CFAP91: variants seen among roughly 807,000 people sequenced by gnomAD.
CFAP91 encodes cilia- and flagella-associated protein 91.
A neutral mutation model predicts 95.9 loss-of-function variants in CFAP91; 85 were observed. That is an observed-to-expected ratio of 0.89 (90% CI 0.74 to 1.06). The LOEUF (loss-of-function observed/expected upper bound fraction) is 1.06. Among genes scored for constraint, CFAP91 ranks in the 50% least tolerant of loss-of-function variants. The pLI is 0.00. For missense variants in CFAP91, 962 were observed against 943.4 expected, an observed-to-expected ratio of 1.02 and a Z score of -0.26; for synonymous variants, 335 against 327.5, an observed-to-expected ratio of 1.02 and a Z score of -0.25.
At chr3:119,761,161 A>G (rs895519433) in intron 17 of CFAP91, among the ~76,000 whole-genome samples, 1 of 151,848 alleles carries the variant, frequency 6.6e-6, no homozygotes, top group Non-Finnish European at 1.5e-5. Flanking sequence ...AGACTTAAGG[A>G]AAATCAGAAG....
chr3:119,740,997 A>G (rs762898571), intron 13 of CFAP91, among the ~76,000 whole-genome samples: 16 of 152,122 alleles, frequency 1.1e-4, no homozygotes, highest in Non-Finnish European at 1.0e-4. Flanking sequence ...GACTACAGGC[A>G]TGCACCACCA....
chr3:119,727,541 A>T (rs1265474462), intron 7 of CFAP91, among the ~76,000 whole-genome samples: 1 of 152,108 alleles, frequency 6.6e-6, no homozygotes, highest in Admixed American at 6.5e-5. Flanking sequence ...TACATGCTAG[A>T]CTCTGTGCTG....
chr3:119,752,358 G>C (rs942410280), intron 17 of CFAP91: 1 of 152,174 alleles, frequency 6.6e-6, no homozygotes, highest in African/African-American at 2.4e-5. Context: ...ATGGAAGGAG[G>C]GTTGAGATGA....
chr3:119,715,922 CT>C (rs947328669), intron 6 of CFAP91, 179 bp downstream of exon 6: 1 of 614,648 alleles, frequency 1.6e-6, no homozygotes, highest in African/African-American at 1.8e-5. Context: ...AAGATACTAT[CT>C]TTTTATTGTG....
chr3:119,725,699 G>A (rs2053769281), intron 6 of CFAP91, among the ~76,000 whole-genome samples: 1 of 152,000 alleles, frequency 6.6e-6, no homozygotes, highest in East Asian at 1.9e-4. Context: ...CAAGGCCACA[G>A]TGAGCTGTAA....
At chr3:119,714,591 C>T in intron 5 of CFAP91, among the ~76,000 whole-genome samples, 1 of 152,214 alleles carries the variant, frequency 6.6e-6, no homozygotes, top group South Asian at 2.1e-4. Flanking sequence ...TAGTTATTTT[C>T]ATTATCTTCT....
chr3:119,736,268 GTTTTTTTTTTT>G (rs770777389), intron 10 of CFAP91, among the ~76,000 whole-genome samples: 7 of 85,326 alleles, frequency 8.2e-5, no homozygotes, highest in African/African-American at 3.4e-4. Flanking sequence ...TCTTTCTATT[GTTTTTTTTTTT>G]TTTTTTTTTT....
chr3:119,722,314 C>A (rs189934708), intron 6 of CFAP91, among the ~76,000 whole-genome samples: 4 of 152,012 alleles, frequency 2.6e-5, no homozygotes, highest in Admixed American at 1.3e-4. Flanking sequence ...GAGAAATTAG[C>A]TGGGCATGGT....
At chr3:119,706,329 C>G (rs541189862) in intron 1 of CFAP91, 1 of 151,952 alleles carries the variant, frequency 6.6e-6, no homozygotes, top group Non-Finnish European at 1.5e-5. Context: ...TTTTTTTAAC[C>G]GTGTTCACCA....
intron 4 of CFAP91, 113 bp downstream of exon 4, chr3:119,708,787 T>G (rs1455021367): frequency 1.6e-6 from 1 of 638,580 alleles, no homozygotes; most frequent in Non-Finnish European, 2.7e-6. Flanking sequence ...GACTCTATTT[T>G]AAGTGCTTTA....
intron 6 of CFAP91, among the ~76,000 whole-genome samples, chr3:119,718,783 C>T (rs79788033): frequency 0.019 from 2,953 of 151,836 alleles, 36 homozygotes; most frequent in Middle Eastern, 0.065. Context: ...GGAGTGAAGG[C>T]GAGATAAAGA....
chr3:119,719,191 A>C (rs2053634559), intron 6 of CFAP91, among the ~76,000 whole-genome samples: 1 of 152,256 alleles, frequency 6.6e-6, no homozygotes, highest in Admixed American at 6.5e-5. Flanking sequence ...AATAAGATAC[A>C]GAAGAGTGCC....
Position 119,726,276 on chromosome 3 carries a change from T to C in CFAP91, c.788T>C (p.Phe263Ser), listed in dbSNP as rs1416759935. The C allele has an allele frequency of 6.2e-7, 1 of 1,613,804 alleles. No homozygotes were observed. The highest frequency in any genetic ancestry group is 1.1e-5 in the South Asian group (1 of 91,032). Reference sequence around the variant, plus strand: ...CCCGCTCTGAGTGACACCTCCCAGTTTGAGAAGAGGAGGAAAATGATGAAT... The same window carrying C: ...CCCGCTCTGAGTGACACCTCCCAGTCTGAGAAGAGGAGGAAAATGATGAAT... ...SLPALSDTSQ[F>S]EKRRKMMNEM... The change falls in exon 7 of 18, where the codon TTT becomes TCT. Residue 263 changes from phenylalanine (F) to serine (S), a missense_variant. Coordinates refer to ENST00000273390, the MANE Select transcript of CFAP91 (RefSeq NM_033364.4).
chr3:119,734,906 T>C (rs1292764927), intron 10 of CFAP91, among the ~76,000 whole-genome samples: 2 of 152,210 alleles, frequency 1.3e-5, no homozygotes, highest in South Asian at 2.1e-4. Context: ...CTGGGACAAA[T>C]GTTTTCTTCA....
In CFAP91 at chr3:119,706,875, G is replaced by T; in HGVS notation, c.191G>T (p.Arg64Leu). Residue 64 changes from arginine to leucine, a missense_variant, in exon 2 of 18, where the codon CGC becomes CTC. By Grantham distance (102) the Arg-to-Leu change is moderately radical (BLOSUM62 -2). Transcript: ENST00000273390. The part of the protein sequence containing the change: ...TQANIQATLI[R>L]SRLRKVPRFK... The stretch of plus-strand genomic sequence containing the variant: ...GCAAATATCCAAGCTACCCTGATTC[G>T]CAGCAGACTGGTATGTCTAATTCAT... The T allele has an allele frequency of 6.2e-7, 1 of 1,611,710 alleles. No individual in the cohort carries two copies. Among genetic ancestry groups the T allele is most frequent in the Non-Finnish European group, 8.5e-7 (1 of 1,178,908 alleles).
intron 6 of CFAP91, among the ~76,000 whole-genome samples, chr3:119,721,155 A>G (rs1234322925): frequency 6.6e-6 from 1 of 152,228 alleles, no homozygotes; most frequent in African/African-American, 2.4e-5. Context: ...TTATAACCAG[A>G]TGGAGTTAAT....
chr3:119,726,608 A>G (rs1047695610), intron 7 of CFAP91, among the ~76,000 whole-genome samples: 1 of 152,198 alleles, frequency 6.6e-6, no homozygotes, highest in Non-Finnish European at 1.5e-5. Context: ...CATGGAACCC[A>G]GGTTTGAACA....
chr3:119,750,527 A>G lies in CFAP91; in HGVS notation c.2144-410A>G, dbSNP rs78597120. On this transcript the variant is annotated intron_variant, in intron 16 of 17. Transcript: ENST00000273390. The stretch of plus-strand genomic sequence containing the variant: ...AAGAGAAGTATAAGACTAGGTCTTT[A>G]TATTTGTAAGTTACTTACACTCTAG... 267 of 195,746 alleles carry G rather than the reference A, an allele frequency of 1.4e-3. 1 individual carries two copies. Among genetic ancestry groups the G allele is most frequent in the African/African-American group, 5.5e-3 (233 of 42,140 alleles). 12.1% of individuals were successfully genotyped at this position (195,746 alleles called of 1,614,324 possible). A position where few individuals can be genotyped will look rare whatever the true frequency, so the allele number is the denominator to read the frequency against.
At chr3:119,757,653 A>T (rs940807644) in intron 17 of CFAP91, among the ~76,000 whole-genome samples, 3 of 152,174 alleles carry the variant, frequency 2.0e-5, no homozygotes, top group Non-Finnish European at 4.4e-5. Flanking sequence ...TCTCAATAAT[A>T]ATAAAAATAA....
Sources: allele counts gnomAD v4.1 joint callset (sites outside exome capture counted in the v4.1 genomes callset), GRCh38; gene constraint gnomAD v4.1.1; transcripts MANE v1.5; gene names NCBI Gene and HGNC (gene_info 2026-07-23, HGNC 2026-07-21).